Variants in MFNG observed in about 807,000 individuals in gnomAD.
MFNG encodes MFNG O-fucosylpeptide 3-beta-N-acetylglucosaminyltransferase, also known as beta-1,3-N-acetylglucosaminyltransferase manic fringe.
Under a neutral mutation model 34.2 loss-of-function variants are expected in MFNG, and 24 were observed. That is an observed-to-expected ratio of 0.70 (90% confidence interval 0.51 to 0.99). The LOEUF (loss-of-function observed/expected upper bound fraction) is 0.99. Ranked by LOEUF, MFNG falls within the 50% of genes least tolerant of loss-of-function variation. The pLI is 0.00. For synonymous variants in MFNG, 158 were observed against 179.2 expected, an observed-to-expected ratio of 0.88 and a Z score of 0.94; for missense variants, 383 against 424.0, an observed-to-expected ratio of 0.90 and a Z score of 0.85.
chr22:37,479,456 C>G lies in MFNG; in HGVS notation c.450G>C (p.Arg150Ser). 6.2e-7 allele frequency: 1 copy of G among 1,610,906 alleles called. No individual in the cohort carries two copies. Among genetic ancestry groups the G allele is most frequent in the Non-Finnish European group, 8.5e-7 (1 of 1,178,590 alleles). The change falls in exon 4 of 8, where the codon AGG becomes AGC. Residue 150 changes from arginine (R) to serine (S), a missense_variant. Coordinates refer to ENST00000356998, the MANE Select transcript of MFNG (RefSeq NM_002405.4). ...AGGCTCTCAGAAGCTGCAGCAGCGC[C>G]CTTGGGTTCACATAGTTGTCATCGT... ...HVDDDNYVNP[R>S]ALLQLLRAFP...
At chr22:37,479,839 A>T (rs1254259477) in intron 3 of MFNG, among the ~76,000 whole-genome samples, 2 of 152,078 alleles carry the variant, frequency 1.3e-5, no homozygotes, top group Non-Finnish European at 2.9e-5. Context: ...CCCCGTCTCT[A>T]CTAAAATTAC....
chr22:37,485,737 G>C lies in MFNG; in HGVS notation c.255+186C>G, dbSNP rs550446914. Among the ~76,000 whole-genome samples, 1 of 152,202 alleles carries C rather than the reference G, an allele frequency of 6.6e-6. No individual in the cohort carries two copies. On this transcript the variant is annotated intron_variant, in intron 1 of 7. Coordinates refer to ENST00000356998, the MANE Select transcript of MFNG (RefSeq NM_002405.4). The surrounding 1 kb of genome is among the most constrained non-coding windows in gnomAD (Gnocchi z 5.3). ...CACCTGGAGTCAGGACCAGTACAGG[G>C]CACGGGCAGGGCCGCAGGCAGCCCC...
At position 37,480,824 on chromosome 22, in the gene MFNG, C is replaced by T. The variant is rs41280025; in HGVS notation, c.256-55G>A. The T allele has an allele frequency of 3.5e-3, 5,255 of 1,516,338 alleles. 13 individuals carry two copies. Among genetic ancestry groups the T allele is most frequent in the Non-Finnish European group, 4.4e-3 (4,862 of 1,100,198 alleles). The allele number at this position is 1,516,338 out of a possible 1,614,324, so 93.9% of individuals were successfully genotyped here. A position where few individuals can be genotyped will look rare whatever the true frequency, so the allele number is the denominator to read the frequency against. ...ACATCGGCCCAAGGGACACCCCAGA[C>T]CAATCCACAGCCCACCACCACCAGG... On this transcript the variant is annotated intron_variant, in intron 1 of 7. Transcript: ENST00000356998.
intron 1 of MFNG, 68 bp from the exon 2 acceptor site, chr22:37,480,837 C>T (rs1601799042): frequency 1.4e-6 from 2 of 1,388,880 alleles, no homozygotes; most frequent in East Asian, 2.3e-5. Context: ...ATCCACAGCC[C>T]ACCACCACCA....
rs899218599 is a variant in MFNG, at chr22:37,482,442, C to A, written c.256-1673G>T. ...TGTCTCTCTCTCTCACACACACACA[C>A]GCACACACACGCACGCATACACACA... On this transcript the variant is annotated intron_variant, in intron 1 of 7. Coordinates refer to ENST00000356998, the MANE Select transcript of MFNG (RefSeq NM_002405.4). The surrounding 1 kb of genome is among the most constrained non-coding windows in gnomAD (Gnocchi z 4.1). Among the ~76,000 whole-genome samples the A allele has an allele frequency of 4.0e-5, 6 of 150,506 alleles. No homozygotes were observed. The highest frequency in any genetic ancestry group is 1.2e-4 in the African/African-American group (5 of 40,766).
chr22:37,469,443 G>A lies in MFNG; in HGVS notation c.*520C>T. The stretch of plus-strand genomic sequence containing the variant: ...CAAGGGGTGGGGAGCAAGGAGCTTT[G>A]GGAGACTGGTTGGCAACAACAGCAG... On this transcript the variant is annotated 3_prime_UTR_variant, in exon 8 of 8. Coordinates refer to ENST00000356998, the MANE Select transcript of MFNG (RefSeq NM_002405.4). The A allele has an allele frequency of 4.4e-6, 1 of 229,736 alleles. No homozygotes were observed. Among genetic ancestry groups the A allele is most frequent in the Non-Finnish European group, 8.9e-6 (1 of 112,756 alleles). The allele number at this position is 229,736 out of a possible 1,614,324, so 14.2% of individuals were successfully genotyped here. A position where few individuals can be genotyped will look rare whatever the true frequency, so the allele number is the denominator to read the frequency against.
intron 4 of MFNG, among the ~76,000 whole-genome samples, chr22:37,478,521 C>T (rs1304432420): frequency 1.3e-5 from 2 of 152,156 alleles, no homozygotes; most frequent in Non-Finnish European, 2.9e-5. Context: ...GGAACTGAGG[C>T]GGGTACAGAG....
chr22:37,469,437 A>C lies in MFNG; in HGVS notation c.*526T>G. On this transcript the variant is annotated 3_prime_UTR_variant, in exon 8 of 8. Transcript: ENST00000356998. ...TGTTCGCAAGGGGTGGGGAGCAAGG[A>C]GCTTTGGGAGACTGGTTGGCAACAA... The C allele has an allele frequency of 4.5e-6, 1 of 221,686 alleles. No homozygotes were observed. Among genetic ancestry groups the C allele is most frequent in the South Asian group, 6.2e-5 (1 of 16,128 alleles). 13.7% of individuals were successfully genotyped at this position (221,686 alleles called of 1,614,324 possible).
Position 37,476,932 on chromosome 22 carries a change from T to A in MFNG, c.611A>T (p.Asn204Ile). The A allele has an allele frequency of 1.2e-6, 2 of 1,613,796 alleles. No homozygotes were observed. The highest frequency in any genetic ancestry group is 4.5e-5 in the East Asian group (2 of 44,876). The change falls in exon 5 of 8, where the codon AAT becomes ATT. Residue 204 changes from asparagine to isoleucine, a missense_variant. Asn to Ile is a moderately radical substitution (Grantham distance 149). Transcript: ENST00000356998. ...AGCCATCTTCAAAGCCAGTTTGCGA[T>A]TGATGCAGAAGCCAGCACCCCCAGT... ...FATGGAGFCI[N>I]RKLALKMAPW...
chr22:37,475,767 G>A (rs1363046658), intron 5 of MFNG, among the ~76,000 whole-genome samples: 1 of 152,164 alleles, frequency 6.6e-6, no homozygotes, highest in Admixed American at 6.5e-5. Context: ...GGAGGGAGAG[G>A]GCTTTTTCTA....
At position 37,480,244 on chromosome 22, in the gene MFNG, G is replaced by A. The variant is rs764901105; in HGVS notation, c.360C>T (p.Ser120=). ...CSAEHSHPAL[S]CKMAAEFDTF... ...TGTCGAACTCAGCAGCCATCTTGCA[G>A]GACAGAGCTGGGTGGCTGTGTTCCG... Residue 120 remains serine (S), a synonymous_variant, in exon 3 of 8, where the codon TCC becomes TCT. Coordinates refer to ENST00000356998, the MANE Select transcript of MFNG (RefSeq NM_002405.4). 4 of 1,613,524 alleles carry A rather than the reference G, an allele frequency of 2.5e-6. No homozygotes were observed. In the Admixed American group the frequency reaches 5.0e-5, roughly 20 times the overall value.
chr22:37,479,849 CA>C (rs971352546), intron 3 of MFNG, among the ~76,000 whole-genome samples: 1 of 152,088 alleles, frequency 6.6e-6, no homozygotes, highest in African/African-American at 2.4e-5. Flanking sequence ...ACTAAAATTA[CA>C]AAAGTTAGCC....
At position 37,480,708 on chromosome 22, in the gene MFNG, C is replaced by T. The variant is rs371794035; in HGVS notation, c.304+13G>A. ...CTAAAGTCCCCCACCACACCCAGGC[C>T]GGGCAGAGTTACCCAGTCTCTCCTG... On this transcript the variant is annotated intron_variant, in intron 2 of 7. Transcript: ENST00000356998. 145 of 1,612,884 alleles carry T rather than the reference C, an allele frequency of 9.0e-5. No homozygotes were observed. Among genetic ancestry groups the T allele is most frequent in the South Asian group, 3.3e-4 (30 of 90,780 alleles).
intron 1 of MFNG, chr22:37,481,289 A>T (rs1169279104): frequency 6.5e-6 from 1 of 154,746 alleles, no homozygotes; most frequent in Non-Finnish European, 1.4e-5. Flanking sequence ...CTGCCTCACA[A>T]CCCAGTCCGG....
At chr22:37,480,446 G>C in intron 2 of MFNG, 147 bp from the exon 3 acceptor site, 1 of 696,584 alleles carries the variant, frequency 1.4e-6, no homozygotes, top group Non-Finnish European at 2.4e-6. Context: ...GAGACCCGGG[G>C]AAGGCAGACC....
rs532120333 is a variant in MFNG, at chr22:37,485,734, A to G, written c.255+189T>C. ...GTGCACCTGGAGTCAGGACCAGTACAGGGCACGGGCAGGGCCGCAGGCAGC... is the reference window on the plus strand; with the variant it reads ...GTGCACCTGGAGTCAGGACCAGTACGGGGCACGGGCAGGGCCGCAGGCAGC... On this transcript the variant is annotated intron_variant, in intron 1 of 7. Transcript: ENST00000356998. This position sits in a 1 kb window ranked among gnomAD's most constrained non-coding sequence, Gnocchi z 5.3. Among the ~76,000 whole-genome samples the G allele has an allele frequency of 6.6e-6, 1 of 152,286 alleles. No individual in the cohort carries two copies. The highest frequency in any genetic ancestry group is 1.9e-4 in the East Asian group (1 of 5,166).
Position 37,469,403 on chromosome 22 carries a change from A to T in MFNG, c.*560T>A, listed in dbSNP as rs1921705715. Reference sequence around the variant, plus strand: ...CCGGCATGCTGAGGCTCCAAACAAAATCTGGTCCTGTTCGCAAGGGGTGGG... The same window carrying T: ...CCGGCATGCTGAGGCTCCAAACAAATTCTGGTCCTGTTCGCAAGGGGTGGG... On this transcript the variant is annotated 3_prime_UTR_variant, in exon 8 of 8. Transcript: ENST00000356998. 5.0e-6 allele frequency: 1 copy of T among 201,024 alleles called. No homozygotes were observed. The highest frequency in any genetic ancestry group is 1.0e-5 in the Non-Finnish European group (1 of 96,584). The allele number at this position is 201,024 out of a possible 1,614,324, so 12.5% of individuals were successfully genotyped here.
Position 37,483,638 on chromosome 22 carries a change from G to C in MFNG, c.255+2285C>G, listed in dbSNP as rs953424604. ...TCTACTAAAAATAGAAAAATTAGCC[G>C]GGCGTGGTGCGCATGCCTGTAGTCC... On this transcript the variant is annotated intron_variant, in intron 1 of 7. Coordinates refer to ENST00000356998, the MANE Select transcript of MFNG (RefSeq NM_002405.4). This position sits in a 1 kb window ranked among gnomAD's most constrained non-coding sequence, Gnocchi z 4.5. Among the ~76,000 whole-genome samples the C allele has an allele frequency of 6.6e-6, 1 of 151,948 alleles. No homozygotes were observed. Among genetic ancestry groups the C allele is most frequent in the African/African-American group, 2.4e-5 (1 of 41,362 alleles).
At chr22:37,479,620 A>G in intron 3 of MFNG, 122 bp from the exon 4 acceptor site, 2 of 1,265,530 alleles carry the variant, frequency 1.6e-6, no homozygotes, top group Non-Finnish European at 1.1e-6. Flanking sequence ...GCTGACATTT[A>G]AGGCATCTGT....
Sources: gnomAD v4.1 joint callset for allele counts (sites outside exome capture counted in the v4.1 genomes callset) on GRCh38, gnomAD v4.1.1 for gene constraint, Gnocchi (gnomAD v3.1) non-coding constraint, MANE v1.5 for transcripts, NCBI Gene and HGNC (gene_info 2026-07-23, HGNC 2026-07-21) for gene names.